Variants in BICC1 observed in about 807,000 individuals in gnomAD.
The protein encoded by BICC1 is BicC family RNA binding protein 1, also known as protein bicaudal C homolog 1.
A neutral mutation model predicts 111.0 loss-of-function variants in BICC1; 43 were observed. The ratio of observed to expected loss-of-function variants is 0.39; its 90% CI spans 0.30 to 0.50. The LOEUF (loss-of-function observed/expected upper bound fraction) is 0.50, where lower values mean the gene tolerates loss of function less well. Ranked by LOEUF, BICC1 falls within the 20% of genes least tolerant of loss-of-function variation. The pLI, the probability that BICC1 is intolerant of heterozygous loss-of-function variation, is 0.88. For missense variants in BICC1, 1,091 were observed against 1,203.2 expected (o/e 0.91, Z 1.38); for synonymous variants, 467 against 434.4 (o/e 1.07, Z -0.93).
chr10:58,617,604 C>G (rs568074284), intron 1 of BICC1, among the ~76,000 whole-genome samples: 2 of 152,302 alleles, frequency 1.3e-5, no homozygotes, highest in East Asian at 1.9e-4. Context: ...GGTTTGATAC[C>G]AAGTGTGGAC....
chr10:58,828,733 C>G (rs919919826), intron 20 of BICC1, 28 bp from the exon 21 acceptor site: 1 of 1,609,614 alleles, frequency 6.2e-7, no homozygotes, highest in Admixed American at 1.7e-5. Flanking sequence ...CTCTTGAGCT[C>G]CTAACAATTC....
In BICC1 at chr10:58,584,862, G is replaced by A. The variant is rs143034169; in HGVS notation, c.191-35993G>A. ...ACATTTTTTGAAAAAACATGAGTGC[G>A]GAAGAGTTTTACAAAGACTAACCAG... On this transcript the variant is annotated intron_variant, in intron 1 of 20. Coordinates refer to ENST00000373886, the MANE Select transcript of BICC1 (RefSeq NM_001080512.3). Among the ~76,000 whole-genome samples, 161 of 151,868 alleles carry A rather than the reference G, an allele frequency of 1.1e-3. 1 individual carries two copies. Among genetic ancestry groups the A allele is most frequent in the African/African-American group, 3.6e-3 (151 of 41,374 alleles).
chr10:58,791,697 G>C (rs1030843303), intron 8 of BICC1, among the ~76,000 whole-genome samples: 1 of 152,026 alleles, frequency 6.6e-6, no homozygotes, highest in East Asian at 1.9e-4. Flanking sequence ...CCGAGATCGC[G>C]CCACTGCACT....
rs1453762295 is a variant in BICC1, at chr10:58,800,391, GTC to G, written c.1858+67_1858+68del. 4.0e-6 allele frequency: 6 copies of G among 1,493,556 alleles called. No individual in the cohort carries two copies. In the East Asian group the frequency reaches 1.4e-4, roughly 35 times the overall value. 92.5% of individuals were successfully genotyped at this position (1,493,556 alleles called of 1,614,324 possible). A position where few individuals can be genotyped will look rare whatever the true frequency, so the allele number is the denominator to read the frequency against. Reference sequence around the variant, plus strand: ...ATTTGGAAAAAGGAGGTTGTAGAGAGTCTATGCAGTGATTTTTGAGTTGGTTT... The same window carrying G: ...ATTTGGAAAAAGGAGGTTGTAGAGAGTATGCAGTGATTTTTGAGTTGGTTT... On this transcript the variant is annotated intron_variant, in intron 13 of 20. Coordinates refer to ENST00000373886, the MANE Select transcript of BICC1 (RefSeq NM_001080512.3).
chr10:58,681,641 C>T (rs1839524278), intron 2 of BICC1, among the ~76,000 whole-genome samples: 1 of 152,112 alleles, frequency 6.6e-6, no homozygotes, highest in South Asian at 2.1e-4. Context: ...ACTCAGTGTG[C>T]CTGGAATTGG....
rs932407599 is a variant in BICC1, at chr10:58,591,268, G to A, written c.191-29587G>A. Among the ~76,000 whole-genome samples the A allele has an allele frequency of 2.6e-5, 4 of 152,068 alleles. No individual in the cohort carries two copies. The East Asian group carries it at 7.7e-4, about 29-fold the overall frequency. On this transcript the variant is annotated intron_variant, in intron 1 of 20. Transcript: ENST00000373886. ...GTAGGGAAAGGGGGACACTTTCTTTGGTCAAGACGGAAAAACAGATTCATG... is the reference window on the plus strand; with the variant it reads ...GTAGGGAAAGGGGGACACTTTCTTTAGTCAAGACGGAAAAACAGATTCATG...
At chr10:58,701,725 TG>T (rs879296053) in intron 2 of BICC1, among the ~76,000 whole-genome samples, 13 of 152,176 alleles carry the variant, frequency 8.5e-5, no homozygotes, top group Non-Finnish European at 1.9e-4. Flanking sequence ...GCAATTGTCT[TG>T]GGGAATTTTA....
chr10:58,555,877 G>C (rs1413236665), intron 1 of BICC1, among the ~76,000 whole-genome samples: 1 of 152,084 alleles, frequency 6.6e-6, no homozygotes, highest in Non-Finnish European at 1.5e-5. Context: ...GTGTGGTATT[G>C]GTTCTTTAAA....
At chr10:58,516,902 AAAGT>A (rs1360879285) in intron 1 of BICC1, among the ~76,000 whole-genome samples, 2 of 152,276 alleles carry the variant, frequency 1.3e-5, no homozygotes, top group Admixed American at 6.5e-5. Flanking sequence ...AGTCTGGGAG[AAAGT>A]AAGAAATAAT....
At chr10:58,555,818 A>T (rs777746044) in intron 1 of BICC1, among the ~76,000 whole-genome samples, 2 of 152,174 alleles carry the variant, frequency 1.3e-5, no homozygotes, top group Non-Finnish European at 2.9e-5. Context: ...CTGGAGAATC[A>T]AGTGAAATAT....
At chr10:58,723,499 C>T (rs1288796127) in intron 3 of BICC1, among the ~76,000 whole-genome samples, 1 of 152,134 alleles carries the variant, frequency 6.6e-6, no homozygotes, top group Non-Finnish European at 1.5e-5. Flanking sequence ...GTTCTTTGGT[C>T]ACTCAAAAGT....
At chr10:58,593,759 G>T (rs1296291808) in intron 1 of BICC1, among the ~76,000 whole-genome samples, 1 of 152,118 alleles carries the variant, frequency 6.6e-6, no homozygotes, top group African/African-American at 2.4e-5. Flanking sequence ...AATCCACAAA[G>T]ATGGGTAGAA....
At chr10:58,518,241 T>C (rs1842294336) in intron 1 of BICC1, among the ~76,000 whole-genome samples, 1 of 152,210 alleles carries the variant, frequency 6.6e-6, no homozygotes, top group Non-Finnish European at 1.5e-5. Context: ...AGTTAATCTC[T>C]CTTCTGGTTG....
intron 3 of BICC1, among the ~76,000 whole-genome samples, chr10:58,774,457 A>G (rs1842697883): frequency 6.6e-6 from 1 of 152,224 alleles, no homozygotes; most frequent in African/African-American, 2.4e-5. Flanking sequence ...TTGATCTCAG[A>G]CTTTACAGAT....
At chr10:58,796,712 T>C (rs1409695484) in intron 10 of BICC1, among the ~76,000 whole-genome samples, 186 bp downstream of exon 10, 1 of 152,210 alleles carries the variant, frequency 6.6e-6, no homozygotes, top group Admixed American at 6.5e-5. Context: ...GTGGATTTGT[T>C]ACCCAGATTC....
chr10:58,821,534 T>A (rs1213759011), intron 20 of BICC1, among the ~76,000 whole-genome samples: 1 of 152,128 alleles, frequency 6.6e-6, no homozygotes, highest in Non-Finnish European at 1.5e-5. Flanking sequence ...CTGAAGCAGA[T>A]ACAGGCAAAG....
intron 3 of BICC1, among the ~76,000 whole-genome samples, chr10:58,761,611 C>T (rs760851212): frequency 4.6e-5 from 7 of 152,096 alleles, no homozygotes; most frequent in African/African-American, 7.2e-5. Context: ...CAAGGAGTTG[C>T]GTCCCTGAAG....
rs1211421445 is a variant in BICC1 at position 58,789,327 on chromosome 10, TC to T, written c.668del (p.Pro223LeufsTer31). ...CTGGAATTCTTCAACCGGTTCCTGA[TC>T]CTAATTCCCCCTCTATTCAGCATAT... ...IAGILQPVPD[P>X]NSPSIQHISQ... On this transcript the variant is annotated frameshift_variant, in exon 7 of 21. Transcript: ENST00000373886. LOFTEE classifies it high-confidence loss of function. The T allele has an allele frequency of 6.2e-7, 1 of 1,614,070 alleles. No individual in the cohort carries two copies. Among genetic ancestry groups the T allele is most frequent in the Non-Finnish European group, 8.5e-7 (1 of 1,179,968 alleles).
At chr10:58,538,860 A>G (rs1842889802) in intron 1 of BICC1, among the ~76,000 whole-genome samples, 1 of 151,958 alleles carries the variant, frequency 6.6e-6, no homozygotes, top group Non-Finnish European at 1.5e-5. Context: ...AGGGAAATGC[A>G]AGTTAAAACG....
Sources: gnomAD v4.1 joint callset for allele counts (sites outside exome capture counted in the v4.1 genomes callset) on GRCh38, gnomAD v4.1.1 for gene constraint, MANE v1.5 for transcripts, NCBI Gene and HGNC (gene_info 2026-07-23, HGNC 2026-07-21) for gene names.